Variants in SLC22A14 observed in about 807,000 individuals in gnomAD.
SLC22A14 encodes organic cation transporter-like 4.
Under a neutral mutation model 53.9 loss-of-function variants are expected in SLC22A14, and 50 were observed. That is an observed-to-expected ratio of 0.93 (90% CI 0.74 to 1.17). SLC22A14 has a LOEUF of 1.17. Ranked by LOEUF, SLC22A14 falls within the 50% of genes most tolerant of loss-of-function variation. The probability of loss-of-function intolerance (pLI) is 0.00; values close to 1 mark genes in which losing one functional copy is unlikely to be tolerated. For missense variants in SLC22A14, 671 were observed against 734.7 expected, an observed-to-expected ratio of 0.91 and a Z score of 1.00; for synonymous variants, 312 against 303.0, an observed-to-expected ratio of 1.03 and a Z score of -0.31.
At chr3:38,283,636 C>A (rs534179821) in intron 1 of SLC22A14, among the ~76,000 whole-genome samples, 29 of 152,138 alleles carry the variant, frequency 1.9e-4, no homozygotes, top group Non-Finnish European at 3.7e-4. Flanking sequence ...TCGAGACCAG[C>A]CTGGCCAACA....
chr3:38,316,204 C>A, intron 9 of SLC22A14, 120 bp from the exon 10 acceptor site: 1 of 848,360 alleles, frequency 1.2e-6, no homozygotes, highest in Non-Finnish European at 1.9e-6. Context: ...TACTTGGAAT[C>A]ACACAATGAG....
chr3:38,293,079 C>T (rs1703947921), intron 1 of SLC22A14, among the ~76,000 whole-genome samples: 1 of 152,096 alleles, frequency 6.6e-6, no homozygotes, highest in Non-Finnish European at 1.5e-5. Flanking sequence ...ATGGCATGGG[C>T]TGGTGCTTGC....
intron 1 of SLC22A14, among the ~76,000 whole-genome samples, chr3:38,294,464 ATTTC>A (rs1703982640): frequency 6.6e-6 from 1 of 151,824 alleles, no homozygotes; most frequent in African/African-American, 2.4e-5. Context: ...AAAATAAGTC[ATTTC>A]TTTCTTAGCG....
upstream of SLC22A14, among the ~76,000 whole-genome samples, chr3:38,281,496 G>C (rs982459692): frequency 1.3e-5 from 2 of 152,148 alleles, no homozygotes; most frequent in African/African-American, 4.8e-5. Flanking sequence ...GTCTCCCAAG[G>C]GGGCACAGGT....
chr3:38,301,747 A>AT (rs34126295), intron 1 of SLC22A14, among the ~76,000 whole-genome samples: 15,657 of 143,394 alleles, frequency 0.11, 920 homozygotes, highest in Non-Finnish European at 0.12. Context: ...CCTTTTTAGG[A>AT]TTTTTTTTTT....
At chr3:38,315,441 C>T (rs1704593135) in intron 8 of SLC22A14, 117 bp from the exon 9 acceptor site, 1 of 1,108,268 alleles carries the variant, frequency 9.0e-7, no homozygotes. Flanking sequence ...TGCCACTCCT[C>T]TGACAGAATG....
intron 9 of SLC22A14, among the ~76,000 whole-genome samples, chr3:38,316,035 C>T (rs1267730211): frequency 6.6e-6 from 1 of 152,246 alleles, no homozygotes; most frequent in African/African-American, 2.4e-5. Flanking sequence ...CACTTGGAGG[C>T]TCAGATCCTT....
At chr3:38,311,026 C>G (rs1704453984) in intron 5 of SLC22A14, among the ~76,000 whole-genome samples, 1 of 152,194 alleles carries the variant, frequency 6.6e-6, no homozygotes, top group Admixed American at 6.5e-5. Context: ...TTAGCAAGTT[C>G]CAGCCAGAGT....
intron 10 of SLC22A14, among the ~76,000 whole-genome samples, chr3:38,316,809 T>C (rs1704635863): frequency 6.6e-6 from 1 of 152,174 alleles, no homozygotes; most frequent in Non-Finnish European, 1.5e-5. Context: ...TGCATTGCCT[T>C]TGGGCATACC....
chr3:38,284,632 T>A (rs547972384), intron 1 of SLC22A14, among the ~76,000 whole-genome samples: 1 of 152,250 alleles, frequency 6.6e-6, no homozygotes, highest in South Asian at 2.1e-4. Context: ...TCTTCTGCAG[T>A]GCTTAGGGAG....
In SLC22A14 at chr3:38,306,158, C is replaced by T. The variant is rs187331076; in HGVS notation, c.132C>T (p.Val44=). The T allele has an allele frequency of 1.7e-4, 269 of 1,614,132 alleles. No homozygotes were observed. The highest frequency in any genetic ancestry group is 7.3e-4 in the Admixed American group (44 of 59,998). ...TGCTGTTACGCAGATTGAGGGCTGT[C>T]CACACCAAGCAGGATGACAAGTTTG... The part of the protein sequence containing the change: ...LEMLLRRLRA[V]HTKQDDKFAN... Residue 44 remains valine, a synonymous_variant, in exon 2 of 11, where the codon GTC becomes GTT. Transcript: ENST00000448498.
intron 1 of SLC22A14, among the ~76,000 whole-genome samples, chr3:38,284,596 G>A (rs565164059): frequency 2.0e-5 from 3 of 152,186 alleles, no homozygotes; most frequent in Non-Finnish European, 2.9e-5. Context: ...GGAGGCCTCC[G>A]CTAATCATTA....
chr3:38,308,658 C>T (rs553257399), intron 4 of SLC22A14, among the ~76,000 whole-genome samples: 1 of 152,198 alleles, frequency 6.6e-6, no homozygotes, highest in Non-Finnish European at 1.5e-5. Context: ...TCTGGTATTG[C>T]GTCTTTTCTA....
upstream of SLC22A14, among the ~76,000 whole-genome samples, chr3:38,281,136 G>A (rs1575394843): frequency 6.6e-6 from 1 of 152,264 alleles, no homozygotes; most frequent in Admixed American, 6.5e-5. Context: ...CAGACACCCC[G>A]AGGGAGGTCT....
At chr3:38,316,600 C>T in intron 10 of SLC22A14, 76 bp downstream of exon 10, 1 of 1,308,156 alleles carries the variant, frequency 7.6e-7, no homozygotes, top group Non-Finnish European at 1.1e-6. Flanking sequence ...GCGTGCGGGA[C>T]ATTGTCCATC....
At chr3:38,306,786 G>GAA (rs2125886048) in intron 2 of SLC22A14, among the ~76,000 whole-genome samples, 1 of 152,340 alleles carries the variant, frequency 6.6e-6, no homozygotes, top group African/African-American at 2.4e-5. Flanking sequence ...ATCTGTCCAA[G>GAA]AAATCGCTCC....
intron 1 of SLC22A14, among the ~76,000 whole-genome samples, chr3:38,284,383 AAG>A (rs1161894003): frequency 6.6e-6 from 1 of 152,178 alleles, no homozygotes; most frequent in Non-Finnish European, 1.5e-5. Flanking sequence ...GGGCCGGCCT[AAG>A]AGGGATAGAT....
chr3:38,293,333 G>A (rs1044708460), intron 1 of SLC22A14, among the ~76,000 whole-genome samples: 2 of 152,224 alleles, frequency 1.3e-5, no homozygotes, highest in African/African-American at 4.8e-5. Context: ...TCCAAAGTTC[G>A]CTTGCCTGAG....
At chr3:38,296,638 CTTG>C (rs999238700) in intron 1 of SLC22A14, among the ~76,000 whole-genome samples, 3 of 151,878 alleles carry the variant, frequency 2.0e-5, no homozygotes, top group East Asian at 3.9e-4. Context: ...TAGCAAGCCT[CTTG>C]TTGTCTGACT....
Sources: allele counts gnomAD v4.1 joint callset (sites outside exome capture counted in the v4.1 genomes callset), GRCh38; gene constraint gnomAD v4.1.1; transcripts MANE v1.5; gene names NCBI Gene and HGNC (gene_info 2026-07-23, HGNC 2026-07-21).